GEMIN4: variants seen among roughly 807,000 people sequenced by gnomAD.
GEMIN4 encodes the protein gem nuclear organelle associated protein 4.
GEMIN4 carries 59 observed loss-of-function variants against 76.8 expected under a neutral mutation model. The observed-to-expected ratio is 0.77, with a 90% CI of 0.62 to 0.95. GEMIN4 has a LOEUF of 0.95. GEMIN4 is among the 40% of genes least tolerant of loss of function. The pLI is 0.00. For synonymous variants in GEMIN4, 562 were observed against 559.7 expected, an observed-to-expected ratio of 1.00 and a Z score of -0.06; for missense variants, 1,311 against 1,318.9, an observed-to-expected ratio of 0.99 and a Z score of 0.09.
In GEMIN4 at chr17:745,918, T is replaced by G. The variant is rs1490455748; in HGVS notation, c.2125A>C (p.Ser709Arg). 4.3e-6 allele frequency: 7 copies of G among 1,613,132 alleles called. No homozygotes were observed. The highest frequency in any genetic ancestry group is 5.9e-6 in the Non-Finnish European group (7 of 1,179,866). Residue 709 changes from serine to arginine, a missense_variant, in exon 2 of 2, where the codon AGC becomes CGC. Physicochemically the swap from Ser to Arg is moderately radical, Grantham distance 110. This residue lies in a region of GEMIN4 where 1,208 missense variants were observed against 1,166.9 expected (regional missense o/e 1.04). Coordinates refer to ENST00000319004, the MANE Select transcript of GEMIN4 (RefSeq NM_015721.3). The surrounding 1 kb of genome is among the most constrained non-coding windows in gnomAD (Gnocchi z 4.6). The stretch of plus-strand genomic sequence containing the variant: ...TCCTTGGGAAGCTGCCAGTATTTGC[T>G]GAAGCGGTCCAAGAGCTGGCACAAG... ...FSLCQLLDRF[S>R]KYWQLPKEKR...
In GEMIN4 at chr17:747,506, G is replaced by A; in HGVS notation, c.537C>T (p.Leu179=). The change falls in exon 2 of 2, where the codon CTC becomes CTT. Residue 179 remains leucine (L), a synonymous_variant. Transcript: ENST00000319004. ...KHKGHPQDPL[L]SQFSAMAHKY... ...TATGGGCCATTGCACTAAACTGGGAGAGCAGGGGGTCCTGCGGGTGACCCT... is the reference window on the plus strand; with the variant it reads ...TATGGGCCATTGCACTAAACTGGGAAAGCAGGGGGTCCTGCGGGTGACCCT... 2 of 1,613,810 alleles carry A rather than the reference G, an allele frequency of 1.2e-6. No individual in the cohort carries two copies. The highest frequency in any genetic ancestry group is 1.7e-6 in the Non-Finnish European group (2 of 1,179,854).
chr17:745,940 C>G lies in GEMIN4; in HGVS notation c.2103G>C (p.Leu701Phe), dbSNP rs766146852. 1 of 1,613,158 alleles carries G rather than the reference C, an allele frequency of 6.2e-7. No homozygotes were observed. The highest frequency in any genetic ancestry group is 8.5e-7 in the Non-Finnish European group (1 of 1,179,852). Residue 701 changes from leucine to phenylalanine, a missense_variant, in exon 2 of 2, where the codon TTG (leucine) becomes TTC (phenylalanine). Physicochemically the swap from Leu to Phe is conservative, Grantham distance 22. Transcript: ENST00000319004. The surrounding 1 kb of genome is among the most constrained non-coding windows in gnomAD (Gnocchi z 4.6). ...TCSPFPLLFS[L>F]CQLLDRFSKY... ...TGCTGAAGCGGTCCAAGAGCTGGCA[C>G]AAGCTGAAGAGGAGTGGAAACGGGG...
In GEMIN4 at chr17:745,967, G is replaced by T; in HGVS notation, c.2076C>A (p.Cys692Ter). ...AGCTGAAGAGGAGTGGAAACGGGGA[G>T]CAGGTCTGGAGCCAGTATTCCTCTC... ...ACREEYWLQTCSPFPLLFSLC... is the reference protein window; with the variant it reads ...ACREEYWLQT The change falls in exon 2 of 2, where the codon TGC becomes TGA. Residue 692 changes from cysteine to a stop codon, truncating the protein, a stop_gained. Coordinates refer to ENST00000319004, the MANE Select transcript of GEMIN4 (RefSeq NM_015721.3). LOFTEE classifies it high-confidence loss of function. This position sits in a 1 kb window ranked among gnomAD's most constrained non-coding sequence, Gnocchi z 4.6. 6.2e-7 allele frequency: 1 copy of T among 1,613,186 alleles called. No individual in the cohort carries two copies. Among genetic ancestry groups the T allele is most frequent in the Non-Finnish European group, 8.5e-7 (1 of 1,179,856 alleles).
chr17:747,242 G>T lies in GEMIN4; in HGVS notation c.801C>A (p.Asp267Glu), dbSNP rs374151324. The T allele has an allele frequency of 1.3e-5, 21 of 1,613,736 alleles. No homozygotes were observed. The highest frequency in any genetic ancestry group is 1.8e-5 in the Non-Finnish European group (21 of 1,179,896). Residue 267 changes from aspartate to glutamate, a missense_variant, in exon 2 of 2, where the codon GAC becomes GAA. Asp to Glu is a conservative substitution (Grantham distance 45). Coordinates refer to ENST00000319004, the MANE Select transcript of GEMIN4 (RefSeq NM_015721.3). The part of the protein sequence containing the change: ...PQEVSATVYL[D>E]KLATVISVWN... ...ACACAGAGATCACCGTGGCCAGTTTGTCCAGATACACGGTTGCAGACACCT... is the reference window on the plus strand; with the variant it reads ...ACACAGAGATCACCGTGGCCAGTTTTTCCAGATACACGGTTGCAGACACCT...
intron 1 of GEMIN4, chr17:751,799 G>T: frequency 3.0e-6 from 1 of 334,590 alleles, no homozygotes; most frequent in Non-Finnish European, 5.4e-6. Flanking sequence ...TTCAGGAAAT[G>T]AGGCCGTCGG....
upstream of GEMIN4, chr17:752,560 CAGCGCGG>C: frequency 1.5e-6 from 1 of 658,590 alleles, no homozygotes; most frequent in South Asian, 6.9e-5. Context: ...GCCCACCACC[CAGCGCGG>C]CCGCACCACG....
intron 1 of GEMIN4, 79 bp downstream of exon 1, chr17:752,051 CAGG>C (rs577469100): frequency 2.1e-6 from 2 of 964,596 alleles, no homozygotes; most frequent in South Asian, 5.2e-5. Context: ...GCGTGCGCGA[CAGG>C]AGGAGACGCG....
At chr17:748,184 T>A (rs1160082830) in intron 1 of GEMIN4, 152 bp from the exon 2 acceptor site, 17 of 636,520 alleles carry the variant, frequency 2.7e-5, no homozygotes, top group Non-Finnish European at 4.0e-5. Flanking sequence ...ACTGCACAGC[T>A]GGAGTCAGAA....
At chr17:748,924 A>G (rs371451953) in intron 1 of GEMIN4, 24 of 164,254 alleles carry the variant, frequency 1.5e-4, no homozygotes, top group East Asian at 4.9e-4. Flanking sequence ...CAGCCACAGG[A>G]TAATGGGCAC....
At position 744,987 on chromosome 17, in the gene GEMIN4, T is replaced by C. The variant is rs773490623; in HGVS notation, c.3056A>G (p.Asn1019Ser). 1.4e-5 allele frequency: 22 copies of C among 1,613,858 alleles called. No homozygotes were observed. The East Asian group carries it at 4.9e-4, about 36-fold the overall frequency. Residue 1019 changes from asparagine to serine, a missense_variant, in exon 2 of 2, where the codon AAC becomes AGC. Physicochemically the swap from Asn to Ser is conservative, Grantham distance 46 (BLOSUM62 1). This residue lies in a region of GEMIN4 where 1,208 missense variants were observed against 1,166.9 expected (regional missense o/e 1.04). Coordinates refer to ENST00000319004, the MANE Select transcript of GEMIN4 (RefSeq NM_015721.3). ...CTGGAGCAAGGAGCTGACAGAAGGGTTGGTCTTGCTCAAAGTCTCATAGCA... is the reference window on the plus strand; with the variant it reads ...CTGGAGCAAGGAGCTGACAGAAGGGCTGGTCTTGCTCAAAGTCTCATAGCA... ...LTCYETLSKT[N>S]PSVSSLLQRA... is the part of the protein sequence containing the mutation.
At chr17:752,312 G>C (rs1183971778), upstream of GEMIN4, 6 of 1,222,564 alleles carry the variant, frequency 4.9e-6, no homozygotes, top group South Asian at 1.3e-4. Flanking sequence ...CGCACGCGCA[G>C]TCCTCACGAA....
rs2144202211 is a variant in GEMIN4, at chr17:750,777, G to A, written c.10+1356C>T. Among the ~76,000 whole-genome samples the A allele has an allele frequency of 2.0e-5, 3 of 152,290 alleles. 1 individual carries two copies. Among genetic ancestry groups the A allele is most frequent in the Middle Eastern group, 3.4e-3 (1 of 294 alleles). On this transcript the variant is annotated intron_variant, in intron 1 of 1. Coordinates refer to ENST00000319004, the MANE Select transcript of GEMIN4 (RefSeq NM_015721.3). ...CCTCCCACCATTTATGGGAGCGGCA[G>A]CAGGCCAAGGGCTCAGCACTATGTA...
rs771083325 is a variant in GEMIN4, at chr17:745,880, G to C, written c.2163C>G (p.Leu721=). The change falls in exon 2 of 2, where the codon CTC becomes CTG. Residue 721 remains leucine, a synonymous_variant. Transcript: ENST00000319004. The surrounding 1 kb of genome is among the most constrained non-coding windows in gnomAD (Gnocchi z 4.6). ...YWQLPKEKRC[L]SLDRKDLAIH... is the part of the protein sequence containing the mutation. ...TCGCTAGATCCTTCCTATCCAAAGAGAGGCACCGCTTCTCCTTGGGAAGCT... is the reference window on the plus strand; with the variant it reads ...TCGCTAGATCCTTCCTATCCAAAGACAGGCACCGCTTCTCCTTGGGAAGCT... 187 of 1,612,816 alleles carry C rather than the reference G, an allele frequency of 1.2e-4. No individual in the cohort carries two copies. Among genetic ancestry groups the C allele is most frequent in the Non-Finnish European group, 1.5e-4 (181 of 1,179,858 alleles).
chr17:752,735 G>A (rs1021381800), upstream of GEMIN4: 10 of 520,620 alleles, frequency 1.9e-5, no homozygotes, highest in Non-Finnish European at 2.5e-5. Context: ...CAAACATGGT[G>A]GGGTTTACGC....
In GEMIN4 at chr17:745,424, G is replaced by A. The variant is rs191778127; in HGVS notation, c.2619C>T (p.His873=). The A allele has an allele frequency of 3.1e-6, 5 of 1,612,724 alleles. No homozygotes were observed. In the African/African-American group the frequency reaches 6.7e-5, roughly 22 times the overall value. ...TCTCCAGCAGTCTCCTGGTCAGCTG[G>A]TGAAGGCGCTGCCACTCCTGAGGGC... is the stretch of plus-strand genomic sequence containing the variant. ...WCSPQEWQRL[H]QLTRRLLEKQ... Residue 873 remains histidine, a synonymous_variant, in exon 2 of 2, where the codon CAC becomes CAT. Coordinates refer to ENST00000319004, the MANE Select transcript of GEMIN4 (RefSeq NM_015721.3). This position sits in a 1 kb window ranked among gnomAD's most constrained non-coding sequence, Gnocchi z 4.6.
intron 1 of GEMIN4, chr17:751,640 G>A (rs142812208): frequency 1.0e-4 from 16 of 154,322 alleles, no homozygotes; most frequent in African/African-American, 3.1e-4. Flanking sequence ...ACCCCACAAG[G>A]GACACTGTAC....
At chr17:748,254 C>T (rs996345106) in intron 1 of GEMIN4, 5 of 543,310 alleles carry the variant, frequency 9.2e-6, no homozygotes, top group Non-Finnish European at 1.6e-5. Context: ...ACTGGGAGGC[C>T]ACCAGGTGAC....
chr17:746,943 C>A lies in GEMIN4; in HGVS notation c.1100G>T (p.Ser367Ile), dbSNP rs758393066. The A allele has an allele frequency of 1.9e-6, 3 of 1,613,494 alleles. No individual in the cohort carries two copies. In the African/African-American group the frequency reaches 4.0e-5, roughly 22 times the overall value. The change falls in exon 2 of 2, where the codon AGC becomes ATC. Residue 367 changes from serine (S) to isoleucine (I), a missense_variant. Physicochemically the swap from Ser to Ile is moderately radical, Grantham distance 142 (BLOSUM62 -2). Around this residue, in one of 2 missense-constraint regions of GEMIN4, gnomAD observed 1,208 missense variants for 1,166.9 expected, o/e 1.04. Coordinates refer to ENST00000319004, the MANE Select transcript of GEMIN4 (RefSeq NM_015721.3). This position sits in a 1 kb window ranked among gnomAD's most constrained non-coding sequence, Gnocchi z 4.3. ...CACCTGCCTGTCCTCCTTGGACAGG[C>A]TGGTGCGGTTCAGGTAGAGCGTCGC... The part of the protein sequence containing the change: ...QNATLYLNRT[S>I]LSKEDRQVVS...
chr17:749,777 A>T lies in GEMIN4; in HGVS notation c.11-1745T>A, dbSNP rs145870139. The T allele has an allele frequency of 1.6e-3, 1,547 of 988,324 alleles. 2 individuals are homozygous for T. The highest frequency in any genetic ancestry group is 3.0e-3 in the Middle Eastern group (6 of 1,990). 61.2% of individuals were successfully genotyped at this position (988,324 alleles called of 1,614,324 possible). ...CCACAGAGCAATGGGCACAGAAGGA[A>T]TCAGACAAGCCCTGCCTTCACTCTT... On this transcript the variant is annotated intron_variant, in intron 1 of 1. Transcript: ENST00000319004.
Sources: gnomAD v4.1 joint callset for allele counts (sites outside exome capture counted in the v4.1 genomes callset) on GRCh38, gnomAD v4.1.1 for gene constraint, gnomAD v4.1.1 regional missense constraint, Gnocchi (gnomAD v3.1) non-coding constraint, MANE v1.5 for transcripts, NCBI Gene and HGNC (gene_info 2026-07-23, HGNC 2026-07-21) for gene names.